Variants in ADGRE3 observed in about 807,000 individuals in gnomAD.
ADGRE3 encodes the protein EGF-like module receptor 3.
Under a neutral mutation model 80.1 loss-of-function variants are expected in ADGRE3, and 88 were observed. The ratio of observed to expected loss-of-function variants is 1.10; its 90% confidence interval spans 0.93 to 1.31. The LOEUF is 1.31. ADGRE3 is among the 40% of genes most tolerant of loss of function. The pLI, the probability that ADGRE3 is intolerant of heterozygous loss-of-function variation, is 0.00. For missense variants in ADGRE3, 715 were observed against 776.5 expected (o/e 0.92, Z 0.94); for synonymous variants, 281 against 294.8 (o/e 0.95, Z 0.48).
chr19:14,667,262 C>T (rs865859620), intron 2 of ADGRE3, among the ~76,000 whole-genome samples: 6 of 151,850 alleles, frequency 4.0e-5, no homozygotes, highest in Non-Finnish European at 7.4e-5. Context: ...AATGCAAATA[C>T]CCTTCCATCC....
the ADGRE3 span, among the ~76,000 whole-genome samples, chr19:14,611,501 C>T: frequency 1.3e-5 from 2 of 151,572 alleles, no homozygotes; most frequent in African/African-American, 4.9e-5. Context: ...CCTCAGCCTC[C>T]CAAGTAGCTG....
intron 4 of ADGRE3, 47 bp from the exon 5 acceptor site, chr19:14,658,597 C>T (rs780416833): frequency 1.4e-6 from 2 of 1,466,012 alleles, no homozygotes; most frequent in Admixed American, 4.0e-5. Context: ...TGAGAGTGAC[C>T]AGGCAGAGGG....
At chr19:14,617,285 CTCTT>C (rs2075080309), downstream of ADGRE3, among the ~76,000 whole-genome samples, 1 of 146,934 alleles carries the variant, frequency 6.8e-6, no homozygotes, top group African/African-American at 2.5e-5. Flanking sequence ...TTCGTTCTTT[CTCTT>C]TCTCTCTCTC....
intron 10 of ADGRE3, among the ~76,000 whole-genome samples, chr19:14,639,939 C>T (rs1263964908): frequency 6.6e-6 from 1 of 151,990 alleles, no homozygotes; most frequent in East Asian, 1.9e-4. Flanking sequence ...TTATTCTTTC[C>T]GTCTAGCTGA....
the ADGRE3 span, chr19:14,606,900 A>T: frequency 1.9e-6 from 1 of 517,444 alleles, no homozygotes; most frequent in Non-Finnish European, 2.9e-6. Flanking sequence ...TGACGTTCCC[A>T]AGCCCTAAAT....
intron 15 of ADGRE3, among the ~76,000 whole-genome samples, chr19:14,623,967 T>C (rs1970666833): frequency 6.6e-6 from 1 of 152,102 alleles, no homozygotes; most frequent in Admixed American, 6.6e-5. Context: ...GAAAGCAAGT[T>C]TGTACTAAGA....
chr19:14,637,008 C>T (rs1035484577), intron 11 of ADGRE3, among the ~76,000 whole-genome samples: 23 of 152,168 alleles, frequency 1.5e-4, no homozygotes, highest in South Asian at 6.2e-4. Flanking sequence ...GCAGGAGAAT[C>T]GCTTGAACCC....
intron 15 of ADGRE3, among the ~76,000 whole-genome samples, chr19:14,620,409 T>C (rs1411218120): frequency 1.7e-5 from 2 of 118,994 alleles, no homozygotes; most frequent in South Asian, 2.4e-4. Flanking sequence ...TGAATATATA[T>C]GTATATTCAT....
At chr19:14,618,846 CAAAAAA>C (rs771965258), downstream of ADGRE3, among the ~76,000 whole-genome samples, 2 of 61,958 alleles carry the variant, frequency 3.2e-5, no homozygotes, top group African/African-American at 1.3e-4. Context: ...AACTCCATCT[CAAAAAA>C]AAAAAAAAAA....
At chr19:14,628,674 T>C in intron 14 of ADGRE3, 1 of 382,968 alleles carries the variant, frequency 2.6e-6, no homozygotes, top group South Asian at 2.2e-5. Context: ...TGTTCCATGG[T>C]TTGAGATGTG....
chr19:14,647,211 C>T lies in ADGRE3; in HGVS notation c.852G>A (p.Lys284=). 6.2e-7 allele frequency: 1 copy of T among 1,613,980 alleles called. No individual in the cohort carries two copies. The change falls in exon 8 of 16, where the codon AAG becomes AAA. Residue 284 remains lysine, a synonymous_variant. Coordinates refer to ENST00000253673, the MANE Select transcript of ADGRE3 (RefSeq NM_032571.5). ...IGPKRNVSLS[K]SVTLTFQHVK... is the part of the protein sequence containing the mutation. ...CGTGCTGGAAAGTCAGCGTCACAGACTTGGAGAGAGACACGTTCCTTTTGG... is the reference window on the plus strand; with the variant it reads ...CGTGCTGGAAAGTCAGCGTCACAGATTTGGAGAGAGACACGTTCCTTTTGG...
intron 15 of ADGRE3, among the ~76,000 whole-genome samples, chr19:14,620,597 T>TTTTA (rs1970579497): frequency 1.3e-5 from 1 of 77,360 alleles, no homozygotes; most frequent in Non-Finnish European, 2.6e-5. Flanking sequence ...TTTTTTTTTT[T>TTTTA]GAGACAGGGT....
chr19:14,652,444 A>G (rs2146871331), intron 6 of ADGRE3, among the ~76,000 whole-genome samples: 1 of 147,404 alleles, frequency 6.8e-6, no homozygotes, highest in South Asian at 2.1e-4. Flanking sequence ...TAAAAGGTTA[A>G]AAAAAAAAAG....
chr19:14,619,518 G>C (rs762882852), intron 15 of ADGRE3, 47 bp from the exon 16 acceptor site: 2 of 1,421,836 alleles, frequency 1.4e-6, no homozygotes, highest in Admixed American at 3.5e-5. Flanking sequence ...GTAAAATAAA[G>C]TAAACAGACA....
chr19:14,665,041 T>A (rs564142336), intron 2 of ADGRE3, among the ~76,000 whole-genome samples: 1 of 150,796 alleles, frequency 6.6e-6, no homozygotes, highest in African/African-American at 2.4e-5. Context: ...CAGCTTCACA[T>A]GTGGAGCAAC....
chr19:14,605,832 G>C, the ADGRE3 span, among the ~76,000 whole-genome samples: 2 of 152,088 alleles, frequency 1.3e-5, no homozygotes, highest in African/African-American at 4.8e-5. Flanking sequence ...TTGAACTCCT[G>C]GGCTTAAGGG....
chr19:14,632,835 T>C (rs1003172015), intron 13 of ADGRE3, 86 bp downstream of exon 13: 5 of 837,656 alleles, frequency 6.0e-6, no homozygotes, highest in African/African-American at 1.7e-5. Context: ...CCTGGGAGCA[T>C]GGCTGTTGAA....
the ADGRE3 span, chr19:14,600,118 A>G: frequency 6.2e-6 from 10 of 1,613,918 alleles, no homozygotes; most frequent in African/African-American, 1.3e-4. Flanking sequence ...TCATGGGATG[A>G]GGCCCGGATG....
the ADGRE3 span, among the ~76,000 whole-genome samples, chr19:14,601,995 T>G: frequency 3.9e-5 from 6 of 152,054 alleles, no homozygotes; most frequent in African/African-American, 1.4e-4. Context: ...GGTTTCACTG[T>G]GTTAGCCAGG....
Sources: gnomAD v4.1 joint callset for allele counts (sites outside exome capture counted in the v4.1 genomes callset) on GRCh38, gnomAD v4.1.1 for gene constraint, MANE v1.5 for transcripts, NCBI Gene and HGNC (gene_info 2026-07-23, HGNC 2026-07-21) for gene names.